Variants in PAM observed in about 807,000 individuals in gnomAD.
The protein encoded by PAM is peptidylglycine alpha-amidating monooxygenase.
In PAM, 72 loss-of-function variants were observed where a neutral mutation model predicts 122.1. The observed-to-expected ratio is 0.59, with a 90% confidence interval of 0.49 to 0.72. PAM has a LOEUF of 0.72. Among genes scored for constraint, PAM ranks in the 30% least tolerant of loss-of-function variants. PAM has a pLI of 0.00. For missense variants in PAM, 1,106 were observed against 1,183.7 expected, an observed-to-expected ratio of 0.93 and a Z score of 0.96; for synonymous variants, 389 against 404.4, an observed-to-expected ratio of 0.96 and a Z score of 0.46.
chr5:102,808,691 C>A (rs1580388267), intron 1 of PAM, among the ~76,000 whole-genome samples: 1 of 152,068 alleles, frequency 6.6e-6, no homozygotes, highest in Admixed American at 6.5e-5. Context: ...GAAAGAAGAA[C>A]CATGCTGAGA....
chr5:102,758,166 C>A (rs1580712978), intron 1 of PAM, among the ~76,000 whole-genome samples: 2 of 122,108 alleles, frequency 1.6e-5, no homozygotes, highest in African/African-American at 3.1e-5. Context: ...GGGATCTTGA[C>A]TTTCTGTCTA....
At chr5:102,986,370 A>T (rs1771832663) in intron 15 of PAM, among the ~76,000 whole-genome samples, 1 of 152,206 alleles carries the variant, frequency 6.6e-6, no homozygotes, top group African/African-American at 2.4e-5. Flanking sequence ...TAGAACTTAT[A>T]AAGTAATTCA....
At chr5:103,014,777 A>T (rs189820889) in intron 21 of PAM, among the ~76,000 whole-genome samples, 10 of 152,332 alleles carry the variant, frequency 6.6e-5, no homozygotes, top group Non-Finnish European at 1.2e-4. Context: ...TAGGACAATA[A>T]AGAAAATGGT....
At chr5:102,933,279 A>G (rs1408682484) in intron 7 of PAM, among the ~76,000 whole-genome samples, 1 of 152,270 alleles carries the variant, frequency 6.6e-6, no homozygotes, top group African/African-American at 2.4e-5. Context: ...GATGAGTTTC[A>G]TATTATCAGT....
chr5:102,851,601 G>A (rs190561851), intron 1 of PAM, among the ~76,000 whole-genome samples: 2 of 152,296 alleles, frequency 1.3e-5, no homozygotes, highest in Admixed American at 1.3e-4. Context: ...TTGATAGCAA[G>A]CACATTTTTG....
At chr5:102,769,266 G>A (rs891269380) in intron 1 of PAM, among the ~76,000 whole-genome samples, 1 of 151,982 alleles carries the variant, frequency 6.6e-6, no homozygotes, top group African/African-American at 2.4e-5. Context: ...TTTGTCAGAT[G>A]GATAGTGTGC....
upstream of PAM, chr5:102,755,079 G>C (rs916335013): frequency 8.5e-5 from 13 of 152,474 alleles, no homozygotes; most frequent in African/African-American, 3.1e-4. Flanking sequence ...GGGCGGAGCA[G>C]AGGCCGCCGG....
chr5:102,932,150 C>T (rs1239054438), intron 7 of PAM, among the ~76,000 whole-genome samples: 2 of 152,096 alleles, frequency 1.3e-5, no homozygotes, highest in Non-Finnish European at 2.9e-5. Context: ...GGTTTTAACC[C>T]TTTAAGTACT....
chr5:102,932,542 T>C (rs1474645278), intron 7 of PAM, among the ~76,000 whole-genome samples: 5 of 148,042 alleles, frequency 3.4e-5, no homozygotes, highest in Non-Finnish European at 5.9e-5. Flanking sequence ...TACACACATA[T>C]ATGTATGTAT....
intron 3 of PAM, among the ~76,000 whole-genome samples, chr5:102,898,086 G>A (rs1188635359): frequency 6.6e-6 from 1 of 151,514 alleles, no homozygotes. Context: ...TTTATTTCTA[G>A]CACACTATCT....
rs34274728 is a variant in PAM, at chr5:102,970,785, CTT to C, written c.1163-3323_1163-3322del. Among the ~76,000 whole-genome samples the C allele has an allele frequency of 4.4e-3, 667 of 151,366 alleles. 3 individuals carry two copies. Among genetic ancestry groups the C allele is most frequent in the African/African-American group, 0.016 (645 of 41,290 alleles). On this transcript the variant is annotated intron_variant, in intron 14 of 25. Coordinates refer to ENST00000438793, the MANE Select transcript of PAM (RefSeq NM_001177306.2). ...ATAGAGGGCTAGGAACCTAAAAGGG[CTT>C]TTTTTTTAATTTTATTTTTTTTACT...
At chr5:102,844,354 C>T (rs1459665166) in intron 1 of PAM, among the ~76,000 whole-genome samples, 2 of 152,116 alleles carry the variant, frequency 1.3e-5, no homozygotes, top group Non-Finnish European at 2.9e-5. Context: ...TGGGATCTCT[C>T]TGTACTATTT....
chr5:102,798,055 A>G (rs1009797023), intron 1 of PAM, among the ~76,000 whole-genome samples: 2 of 152,174 alleles, frequency 1.3e-5, no homozygotes, highest in Admixed American at 6.5e-5. Context: ...TTAGGGCCCC[A>G]GGATTAACAG....
chr5:102,779,455 T>C (rs1359225434), intron 1 of PAM, among the ~76,000 whole-genome samples: 1 of 152,062 alleles, frequency 6.6e-6, no homozygotes, highest in African/African-American at 2.4e-5. Context: ...GTCTTTGTTA[T>C]ATTGACCACT....
rs1197249006 is a variant in PAM, at chr5:102,796,520, G to T, written c.-374+41172G>T. On this transcript the variant is annotated intron_variant, in intron 1 of 25. Transcript: ENST00000438793. ...TAGGAGTCATCTTTGCTCTTGGTAA[G>T]ATTATAATTCTCTTACCTGTTTATT... Among the ~76,000 whole-genome samples, 4 of 152,176 alleles carry T rather than the reference G, an allele frequency of 2.6e-5. No individual in the cohort carries two copies. The South Asian group carries it at 8.3e-4, about 31-fold the overall frequency.
intron 6 of PAM, 61 bp from the exon 7 acceptor site, chr5:102,926,524 T>G: frequency 5.5e-6 from 5 of 901,232 alleles, no homozygotes; most frequent in Admixed American, 1.7e-5. Flanking sequence ...AACAGCAATT[T>G]GAGATTAACT....
At chr5:102,875,738 CTG>C (rs1788973939) in intron 3 of PAM, among the ~76,000 whole-genome samples, 1 of 152,102 alleles carries the variant, frequency 6.6e-6, no homozygotes, top group South Asian at 2.1e-4. Flanking sequence ...TCTGTTTTGA[CTG>C]TTGTAGTTAG....
intron 25 of PAM, among the ~76,000 whole-genome samples, 162 bp from the exon 26 acceptor site, chr5:103,028,725 G>A (rs1785712990): frequency 6.6e-6 from 1 of 152,062 alleles, no homozygotes. Flanking sequence ...CATCTATATG[G>A]CTCTGTAGGA....
intron 15 of PAM, among the ~76,000 whole-genome samples, chr5:102,982,874 A>C (rs897222443): frequency 6.6e-6 from 1 of 152,176 alleles, no homozygotes; most frequent in Admixed American, 6.5e-5. Context: ...TCAACAAAAA[A>C]GAAATCTATG....
Sources: allele counts gnomAD v4.1 joint callset (sites outside exome capture counted in the v4.1 genomes callset), GRCh38; gene constraint gnomAD v4.1.1; transcripts MANE v1.5; gene names NCBI Gene and HGNC (gene_info 2026-07-23, HGNC 2026-07-21).